The following ULK2 variants were observed in gnomAD, a reference collection of about 807,000 sequenced individuals.
ULK2 encodes serine/threonine-protein kinase ULK2.
ULK2 carries 76 observed loss-of-function variants against 127.5 expected under a neutral mutation model. The ratio of observed to expected loss-of-function variants is 0.60; its 90% confidence interval spans 0.50 to 0.72. ULK2 has a LOEUF of 0.72. Among genes scored for constraint, ULK2 ranks in the 30% least tolerant of loss-of-function variants. The pLI is 0.00. For synonymous variants in ULK2, 452 were observed against 461.9 expected, an observed-to-expected ratio of 0.98 and a Z score of 0.28; for missense variants, 1,144 against 1,295.9, an observed-to-expected ratio of 0.88 and a Z score of 1.80.
intron 9 of ULK2, chr17:19,840,648 G>A (rs941260888): frequency 1.5e-4 from 27 of 177,768 alleles, no homozygotes; most frequent in Non-Finnish European, 2.6e-4. Context: ...AGGATGAGGC[G>A]GGGGGATCAC....
At chr17:19,831,499 G>C (rs560469662) in intron 10 of ULK2, among the ~76,000 whole-genome samples, 62 of 152,250 alleles carry the variant, frequency 4.1e-4, no homozygotes, top group African/African-American at 1.5e-3. Flanking sequence ...TAGTAAGAGG[G>C]AAAAATATAC....
chr17:19,842,082 C>A (rs1377815602), intron 8 of ULK2, among the ~76,000 whole-genome samples: 1 of 151,670 alleles, frequency 6.6e-6, no homozygotes, highest in Non-Finnish European at 1.5e-5. Flanking sequence ...TCCACAACAA[C>A]AAATAGCTGA....
At chr17:19,781,853 G>C in intron 23 of ULK2, 36 bp downstream of exon 23, 9 of 1,599,692 alleles carry the variant, frequency 5.6e-6, no homozygotes, top group Non-Finnish European at 7.7e-6. Flanking sequence ...GACAAAGCAT[G>C]AAAAGTCTGG....
chr17:19,832,762 A>G (rs1236283208), intron 10 of ULK2, among the ~76,000 whole-genome samples: 2 of 152,202 alleles, frequency 1.3e-5, no homozygotes, highest in Non-Finnish European at 2.9e-5. Context: ...TTGGAGATAA[A>G]TCAATGTTCA....
Position 19,786,201 on chromosome 17 carries a change from T to C in ULK2, c.2102-115A>G, listed in dbSNP as rs534961791. On this transcript the variant is annotated intron_variant, in intron 20 of 26. Transcript: ENST00000395544. Reference sequence around the variant, plus strand: ...CAGGAGTCTAGTGGTTTTTTTTTTTTCCCTCTTCTTACAAAAAGTACTTAT... The same window carrying C: ...CAGGAGTCTAGTGGTTTTTTTTTTTCCCCTCTTCTTACAAAAAGTACTTAT... The C allele has an allele frequency of 4.9e-4, 438 of 899,418 alleles. 2 individuals are homozygous for C. Among genetic ancestry groups the C allele is most frequent in the South Asian group, 4.9e-3 (251 of 51,560 alleles). 55.7% of individuals were successfully genotyped at this position (899,418 alleles called of 1,614,324 possible).
At chr17:19,778,694 ATCC>A in intron 25 of ULK2, among the ~76,000 whole-genome samples, 1 of 152,262 alleles carries the variant, frequency 6.6e-6, no homozygotes, top group South Asian at 2.1e-4. Flanking sequence ...AGCTCAAGCA[ATCC>A]TCTTGTCTCA....
Position 19,831,768 on chromosome 17 carries a change from A to C in ULK2, c.788-5582T>G, listed in dbSNP as rs761278668. ...CTTTAGCCCAGGAGGCAGGGGTTGT[A>C]GTGAGTCAAGACTGTGCCACTGCAC... On this transcript the variant is annotated intron_variant, in intron 10 of 26. Transcript: ENST00000395544. Among the ~76,000 whole-genome samples the C allele has an allele frequency of 1.3e-3, 197 of 152,280 alleles. 1 individual carries two copies. Among genetic ancestry groups the C allele is most frequent in the Non-Finnish European group, 2.0e-3 (138 of 68,022 alleles).
intron 3 of ULK2, among the ~76,000 whole-genome samples, chr17:19,850,552 C>A (rs768889684): frequency 2.7e-4 from 41 of 152,068 alleles, no homozygotes; most frequent in Non-Finnish European, 5.1e-4. Context: ...TTTGGCCAGG[C>A]GCGGTGGCTC....
At chr17:19,810,245 A>AC in intron 14 of ULK2, 133 bp downstream of exon 14, 1 of 239,686 alleles carries the variant, frequency 4.2e-6, no homozygotes. Context: ...AAAAAAAAAA[A>AC]AAAAAAAAAA....
chr17:19,827,182 G>A lies in ULK2; in HGVS notation c.788-996C>T, dbSNP rs778215249. On this transcript the variant is annotated intron_variant, in intron 10 of 26. Coordinates refer to ENST00000395544, the MANE Select transcript of ULK2 (RefSeq NM_014683.4). ...ATTCAGACCATTTCATCTTTTCCCC[G>A]ACATGGAAACAATTACAGCTATCCT... Among the ~76,000 whole-genome samples the A allele has an allele frequency of 5.3e-5, 8 of 152,046 alleles. No homozygotes were observed. The East Asian group carries it at 7.7e-4, about 15-fold the overall frequency.
intron 20 of ULK2, among the ~76,000 whole-genome samples, chr17:19,794,423 A>G (rs2087221046): frequency 6.6e-6 from 1 of 152,176 alleles, no homozygotes; most frequent in African/African-American, 2.4e-5. Flanking sequence ...CGGACCTAGG[A>G]AACAGAAAAC....
At chr17:19,840,919 T>A (rs2041735244) in intron 9 of ULK2, among the ~76,000 whole-genome samples, 1 of 151,982 alleles carries the variant, frequency 6.6e-6, no homozygotes, top group Non-Finnish European at 1.5e-5. Context: ...AGTGCCTCTC[T>A]ACATCTTGCT....
intron 26 of ULK2, 70 bp from the exon 27 acceptor site, chr17:19,776,477 T>C (rs2086814267): frequency 7.3e-7 from 1 of 1,362,470 alleles, no homozygotes; most frequent in Non-Finnish European, 1.0e-6. Flanking sequence ...TATTCTATCT[T>C]TGCCCCAAAG....
chr17:19,781,182 T>C, intron 23 of ULK2, 78 bp from the exon 24 acceptor site: 3 of 1,163,668 alleles, frequency 2.6e-6, no homozygotes, highest in South Asian at 1.4e-5. Flanking sequence ...CAGGTCACCA[T>C]TAAAATTGCC....
chr17:19,825,997 A>ATAAATAAAT (rs1555560363), intron 11 of ULK2, 142 bp downstream of exon 11: 25 of 59,354 alleles, frequency 4.2e-4, no homozygotes, highest in African/African-American at 6.5e-4. Flanking sequence ...AAAAAAAAAA[A>ATAAATAAAT]AAAAAAATAA....
At chr17:19,863,323 A>T (rs982304879) in intron 3 of ULK2, among the ~76,000 whole-genome samples, 1 of 152,160 alleles carries the variant, frequency 6.6e-6, no homozygotes, top group African/African-American at 2.4e-5. Flanking sequence ...ATATACATTT[A>T]CCTTACCCGA....
chr17:19,770,991 C>G lies in ULK2; in HGVS notation c.*5358G>C, dbSNP rs985367531. Reference sequence around the variant, plus strand: ...TCACCTGTTTCTTGAAATTTTGCTGCCTTCCACTAGGCAGATGGGTCCAGC... The same window carrying G: ...TCACCTGTTTCTTGAAATTTTGCTGGCTTCCACTAGGCAGATGGGTCCAGC... On this transcript the variant is annotated 3_prime_UTR_variant, in exon 27 of 27. Transcript: ENST00000395544. 1 of 152,200 alleles carries G rather than the reference C, an allele frequency of 6.6e-6. No homozygotes were observed. The highest frequency in any genetic ancestry group is 2.4e-5 in the African/African-American group (1 of 41,434). 9.4% of individuals were successfully genotyped at this position (152,200 alleles called of 1,614,324 possible).
chr17:19,792,820 C>G (rs747058564), intron 20 of ULK2, among the ~76,000 whole-genome samples: 1 of 151,998 alleles, frequency 6.6e-6, no homozygotes, highest in East Asian at 1.9e-4. Flanking sequence ...CAAGGCACCC[C>G]TAATAACCAA....
chr17:19,832,454 G>A (rs796414314), intron 10 of ULK2, among the ~76,000 whole-genome samples: 1 of 151,882 alleles, frequency 6.6e-6, no homozygotes, highest in African/African-American at 2.4e-5. Flanking sequence ...TTTAGTAGAA[G>A]GCTTTCACCA....
Sources: gnomAD v4.1 joint callset for allele counts (sites outside exome capture counted in the v4.1 genomes callset) on GRCh38, gnomAD v4.1.1 for gene constraint, MANE v1.5 for transcripts, NCBI Gene and HGNC (gene_info 2026-07-23, HGNC 2026-07-21) for gene names.